The following HAS2 variants were observed in gnomAD, a reference collection of about 807,000 sequenced individuals.
HAS2 encodes the protein hyaluronan synthase 2.
HAS2 carries 16 observed loss-of-function variants against 51.6 expected under a neutral mutation model. The observed-to-expected ratio is 0.31, with a 90% confidence interval of 0.21 to 0.47. The LOEUF is 0.47. Among genes scored for constraint, HAS2 ranks in the 20% least tolerant of loss-of-function variants. The probability of loss-of-function intolerance (pLI) is 1.00; values close to 1 mark genes in which losing one functional copy is unlikely to be tolerated. For synonymous variants in HAS2, 228 were observed against 235.5 expected, an observed-to-expected ratio of 0.97 and a Z score of 0.29; for missense variants, 361 against 662.6, an observed-to-expected ratio of 0.54 and a Z score of 5.00.
chr8:121,616,375 G>C (rs914869430), intron 3 of HAS2, among the ~76,000 whole-genome samples: 3 of 149,670 alleles, frequency 2.0e-5, no homozygotes, highest in Non-Finnish European at 3.0e-5. Flanking sequence ...TCATCCTTTA[G>C]GTATATAGGT....
Position 121,629,062 on chromosome 8 carries a change from T to C in HAS2, c.279A>G (p.Gln93=), listed in dbSNP as rs770612273. 1.9e-6 allele frequency: 3 copies of C among 1,614,032 alleles called. No homozygotes were observed. The highest frequency in any genetic ancestry group is 1.3e-5 in the African/African-American group (1 of 74,946). ...ATTTCCTTAAGTAGTCTGGATCTTC[T>C]TGATAGGCAGCGATGCAAAGGGCAA... The part of the protein sequence containing the change: ...KTVALCIAAY[Q]EDPDYLRKCL... The change falls in exon 2 of 4, where the codon CAA becomes CAG. Residue 93 remains glutamine, a synonymous_variant. Coordinates refer to ENST00000303924, the MANE Select transcript of HAS2 (RefSeq NM_005328.3).
At chr8:121,621,601 T>C (rs1292746409) in intron 2 of HAS2, among the ~76,000 whole-genome samples, 3 of 152,266 alleles carry the variant, frequency 2.0e-5, no homozygotes, top group South Asian at 2.1e-4. Context: ...CAATCACTAA[T>C]AGGAACATAG....
intron 2 of HAS2, 48 bp downstream of exon 2, chr8:121,628,666 G>A (rs766241376): frequency 2.1e-5 from 32 of 1,557,896 alleles, no homozygotes; most frequent in Admixed American, 1.9e-4. Flanking sequence ...ATACAAAAGC[G>A]GCTTTATTTA....
Position 121,613,989 on chromosome 8 carries a change from T to C in HAS2, c.*120A>G. On this transcript the variant is annotated 3_prime_UTR_variant, in exon 4 of 4. Coordinates refer to ENST00000303924, the MANE Select transcript of HAS2 (RefSeq NM_005328.3). ...AAATAAACCCATATAAATGTCTTTG[T>C]TCAAGTCCCAGCAGCAGTGATATGT... The C allele has an allele frequency of 6.6e-7, 1 of 1,505,736 alleles. No homozygotes were observed. The highest frequency in any genetic ancestry group is 2.3e-5 in the East Asian group (1 of 43,214). 93.3% of individuals were successfully genotyped at this position (1,505,736 alleles called of 1,614,324 possible). A position where few individuals can be genotyped will look rare whatever the true frequency, so the allele number is the denominator to read the frequency against.
At chr8:121,639,693 T>A (rs1481331861) in intron 1 of HAS2, 2 of 152,334 alleles carry the variant, frequency 1.3e-5, no homozygotes, top group East Asian at 3.9e-4. Flanking sequence ...GGAAAAAGGC[T>A]CTTTCGCCTC....
intron 3 of HAS2, among the ~76,000 whole-genome samples, chr8:121,616,245 C>A (rs1812699285): frequency 6.6e-6 from 1 of 151,940 alleles, no homozygotes; most frequent in South Asian, 2.1e-4. Flanking sequence ...AAATGATGGA[C>A]AATATTGGAA....
intron 1 of HAS2, among the ~76,000 whole-genome samples, chr8:121,629,660 G>A (rs1443635668): frequency 6.6e-6 from 1 of 152,094 alleles, no homozygotes. Context: ...GCCTAAGGCT[G>A]TACTCTATAT....
chr8:121,628,434 G>T (rs1812882133), intron 2 of HAS2, among the ~76,000 whole-genome samples: 2 of 151,604 alleles, frequency 1.3e-5, no homozygotes, highest in African/African-American at 4.9e-5. Context: ...GGTAAAAGAG[G>T]GGGAGAGAAG....
intron 2 of HAS2, 58 bp from the exon 3 acceptor site, chr8:121,617,264 C>T (rs1812716145): frequency 1.9e-6 from 2 of 1,025,754 alleles, no homozygotes; most frequent in Admixed American, 4.0e-5. Context: ...AAATACATTC[C>T]CTGTAGTCAA....
chr8:121,623,440 A>C (rs946374260), intron 2 of HAS2, among the ~76,000 whole-genome samples: 2 of 152,192 alleles, frequency 1.3e-5, no homozygotes, highest in African/African-American at 2.4e-5. Flanking sequence ...GAATCAGGGA[A>C]GCTCATAATG....
Position 121,628,600 on chromosome 8 carries a change from A to G in HAS2, c.627+114T>C, listed in dbSNP as rs1812885539. ...AGTCATGCTGTTTTCAAATGAACTG[A>G]AAGAAGTACTGTGTTCAGAAGGGAC... On this transcript the variant is annotated intron_variant, in intron 2 of 3. Coordinates refer to ENST00000303924, the MANE Select transcript of HAS2 (RefSeq NM_005328.3). 4.3e-6 allele frequency: 4 copies of G among 926,958 alleles called. No individual in the cohort carries two copies. The South Asian group carries it at 6.9e-5, about 16-fold the overall frequency. 57.4% of individuals were successfully genotyped at this position (926,958 alleles called of 1,614,324 possible). A position where few individuals can be genotyped will look rare whatever the true frequency, so the allele number is the denominator to read the frequency against.
At chr8:121,640,093 GGA>G (rs2130458088) in intron 1 of HAS2, 1 of 152,390 alleles carries the variant, frequency 6.6e-6, no homozygotes, top group African/African-American at 2.4e-5. Context: ...GGCCCGGCGA[GGA>G]GAGGAGGGAT....
At chr8:121,627,618 G>T (rs1812871243) in intron 2 of HAS2, among the ~76,000 whole-genome samples, 1 of 152,082 alleles carries the variant, frequency 6.6e-6, no homozygotes, top group South Asian at 2.1e-4. Context: ...ATTCTATCCA[G>T]AAACTGAGAC....
intron 1 of HAS2, among the ~76,000 whole-genome samples, chr8:121,630,329 C>T (rs1812913611): frequency 6.6e-6 from 1 of 152,186 alleles, no homozygotes; most frequent in African/African-American, 2.4e-5. Context: ...GTCAGTTTTG[C>T]AGTCACCCCT....
chr8:121,625,663 C>G (rs186890059), intron 2 of HAS2, among the ~76,000 whole-genome samples: 1 of 149,942 alleles, frequency 6.7e-6, no homozygotes, highest in African/African-American at 2.5e-5. Context: ...CATGCACCAC[C>G]AAGTCCAGCT....
At chr8:121,616,424 TTTTTTC>T (rs1278022408) in intron 3 of HAS2, among the ~76,000 whole-genome samples, 90 of 151,472 alleles carry the variant, frequency 5.9e-4, no homozygotes, top group South Asian at 8.3e-4. Flanking sequence ...CTTCTATTTC[TTTTTTC>T]TTTTTCTTTT....
At chr8:121,618,876 C>T (rs981511834) in intron 2 of HAS2, among the ~76,000 whole-genome samples, 1 of 151,772 alleles carries the variant, frequency 6.6e-6, no homozygotes, top group Non-Finnish European at 1.5e-5. Flanking sequence ...TCCTGCAAAC[C>T]ACTCTATAAA....
chr8:121,623,119 T>C (rs1812795848), intron 2 of HAS2, among the ~76,000 whole-genome samples: 1 of 152,104 alleles, frequency 6.6e-6, no homozygotes, highest in Non-Finnish European at 1.5e-5. Flanking sequence ...TGGTACTTCT[T>C]TGTAATTCTT....
At chr8:121,628,029 T>C (rs1359177952) in intron 2 of HAS2, among the ~76,000 whole-genome samples, 1 of 152,152 alleles carries the variant, frequency 6.6e-6, no homozygotes, top group Non-Finnish European at 1.5e-5. Flanking sequence ...AGGAAATTAA[T>C]GGGAGACACA....
Sources: gnomAD v4.1 joint callset for allele counts (sites outside exome capture counted in the v4.1 genomes callset) on GRCh38, gnomAD v4.1.1 for gene constraint, MANE v1.5 for transcripts, NCBI Gene and HGNC (gene_info 2026-07-23, HGNC 2026-07-21) for gene names.